The following PSMC6 variants were observed in gnomAD, a reference collection of about 807,000 sequenced individuals.
The protein encoded by PSMC6 is proteasome 26S subunit, ATPase 6.
Under a neutral mutation model 55.9 loss-of-function variants are expected in PSMC6, and 3 were observed. The ratio of observed to expected loss-of-function variants is 0.05; its 90% CI spans 0.02 to 0.14. The LOEUF is 0.14. Ranked by LOEUF, PSMC6 falls within the 10% of genes least tolerant of loss-of-function variation. PSMC6 has a pLI of 1.00. For synonymous variants in PSMC6, 137 were observed against 155.9 expected, an observed-to-expected ratio of 0.88 and a Z score of 0.90; for missense variants, 210 against 478.7, an observed-to-expected ratio of 0.44 and a Z score of 5.24.
In PSMC6 at chr14:52,711,037, C is replaced by T. The variant is rs2041766421; in HGVS notation, c.259-64C>T. 33 of 338,404 alleles carry T rather than the reference C, an allele frequency of 9.8e-5. No individual in the cohort carries two copies. In the South Asian group the frequency reaches 1.2e-3, roughly 12 times the overall value. 21.0% of individuals were successfully genotyped at this position (338,404 alleles called of 1,614,324 possible). A position where few individuals can be genotyped will look rare whatever the true frequency, so the allele number is the denominator to read the frequency against. On this transcript the variant is annotated intron_variant, in intron 4 of 13. Coordinates refer to ENST00000445930, the MANE Select transcript of PSMC6 (RefSeq NM_002806.5). Reference sequence around the variant, plus strand: ...GAGTGTTTGGCTTCTAAATATTAAACTCTCGTTAGAGTGTTATTCCGTTTT... The same window carrying T: ...GAGTGTTTGGCTTCTAAATATTAAATTCTCGTTAGAGTGTTATTCCGTTTT...
intron 7 of PSMC6, among the ~76,000 whole-genome samples, chr14:52,714,441 G>A (rs554448686): frequency 6.6e-6 from 1 of 152,274 alleles, no homozygotes; most frequent in African/African-American, 2.4e-5. Flanking sequence ...CATGCTTAGT[G>A]CATTTGTGCC....
At chr14:52,723,742 AT>A in intron 12 of PSMC6, 2 of 1,071,740 alleles carry the variant, frequency 1.9e-6, no homozygotes, top group Non-Finnish European at 2.5e-6. Flanking sequence ...TTTTGGTGAT[AT>A]TTCCTGTTTT....
At chr14:52,714,103 C>T in intron 7 of PSMC6, 135 bp downstream of exon 7, 1 of 520,260 alleles carries the variant, frequency 1.9e-6, no homozygotes, top group African/African-American at 2.0e-5. Context: ...TGCAGTGGCA[C>T]AATCTGGGCT....
At chr14:52,720,355 G>A (rs1281205359) in intron 10 of PSMC6, among the ~76,000 whole-genome samples, 1 of 84,822 alleles carries the variant, frequency 1.2e-5, no homozygotes, top group Non-Finnish European at 2.0e-5. Context: ...GTGACAGAGT[G>A]AAACTCTGTC....
rs566515854 is a variant in PSMC6 at position 52,707,530 on chromosome 14, G to C, written c.85+226G>C. On this transcript the variant is annotated intron_variant, in intron 1 of 13. Coordinates refer to ENST00000445930, the MANE Select transcript of PSMC6 (RefSeq NM_002806.5). ...GTGACAGAACATCGGCGGCCTTGAG[G>C]TGAAAATGAAAAAGAAGTAGAGGAG... 7.4e-6 allele frequency: 4 copies of C among 541,220 alleles called. No individual in the cohort carries two copies. In the African/African-American group the frequency reaches 7.7e-5, roughly 10 times the overall value. The allele number at this position is 541,220 out of a possible 1,614,324, so 33.5% of individuals were successfully genotyped here.
At chr14:52,718,881 A>C in intron 9 of PSMC6, 96 bp from the exon 10 acceptor site, 1 of 927,068 alleles carries the variant, frequency 1.1e-6, no homozygotes, top group Non-Finnish European at 1.7e-6. Flanking sequence ...TTTCATCTTA[A>C]TGTTTTAAGC....
intron 12 of PSMC6, among the ~76,000 whole-genome samples, 154 bp downstream of exon 12, chr14:52,721,344 T>C (rs2041888205): frequency 6.6e-6 from 1 of 152,234 alleles, no homozygotes; most frequent in South Asian, 2.1e-4. Flanking sequence ...TACTATAAGC[T>C]AGGAACCATT....
At chr14:52,716,524 C>T (rs1391750012) in intron 7 of PSMC6, among the ~76,000 whole-genome samples, 4 of 152,084 alleles carry the variant, frequency 2.6e-5, no homozygotes, top group South Asian at 2.1e-4. Flanking sequence ...GAGGCCGAGG[C>T]GGGCGGATCA....
At chr14:52,709,192 C>G (rs2041737577) in intron 4 of PSMC6, 1 of 192,794 alleles carries the variant, frequency 5.2e-6, no homozygotes, top group Admixed American at 5.8e-5. Flanking sequence ...ATGGACTGTA[C>G]CATGGCCTAA....
At chr14:52,713,302 A>G (rs2041795219) in intron 6 of PSMC6, among the ~76,000 whole-genome samples, 1 of 152,196 alleles carries the variant, frequency 6.6e-6, no homozygotes, top group Non-Finnish European at 1.5e-5. Flanking sequence ...CAATTTCTCT[A>G]GTCTCTACTT....
intron 9 of PSMC6, chr14:52,718,731 A>G: frequency 4.4e-6 from 2 of 459,492 alleles, no homozygotes; most frequent in Non-Finnish European, 7.8e-6. Context: ...GGTTGCAGTG[A>G]GCCGAGATCA....
At chr14:52,714,433 T>A (rs775202147) in intron 7 of PSMC6, among the ~76,000 whole-genome samples, 9 of 152,220 alleles carry the variant, frequency 5.9e-5, no homozygotes, top group Non-Finnish European at 1.3e-4. Context: ...CTTTGAGGCA[T>A]GCTTAGTGCA....
chr14:52,725,303 C>A (rs1880368974), intron 13 of PSMC6, among the ~76,000 whole-genome samples: 1 of 152,054 alleles, frequency 6.6e-6, no homozygotes, highest in Non-Finnish European at 1.5e-5. Flanking sequence ...ACAAATTTAC[C>A]TTTAGTTATT....
At chr14:52,722,459 G>A (rs1880237451) in intron 12 of PSMC6, 1 of 151,758 alleles carries the variant, frequency 6.6e-6, no homozygotes, top group South Asian at 2.1e-4. Flanking sequence ...AGAGGGATTG[G>A]CCCTATATAT....
chr14:52,713,422 A>C (rs894996220), intron 6 of PSMC6, among the ~76,000 whole-genome samples: 9 of 152,198 alleles, frequency 5.9e-5, no homozygotes, highest in Non-Finnish European at 2.9e-5. Context: ...GTATGTTGTC[A>C]AATCCATCCC....
intron 4 of PSMC6, chr14:52,710,767 C>A: frequency 3.3e-6 from 1 of 306,906 alleles, no homozygotes; most frequent in Non-Finnish European, 6.1e-6. Context: ...CTTCCCTTTC[C>A]TTTCCCTAAA....
intron 5 of PSMC6, 49 bp from the exon 6 acceptor site, chr14:52,711,361 A>T (rs369204821): frequency 6.8e-7 from 1 of 1,473,186 alleles, no homozygotes. Context: ...TCTGTAGGCT[A>T]AGAGAAAATA....
intron 7 of PSMC6, 84 bp downstream of exon 7, chr14:52,714,052 T>G: frequency 1.0e-6 from 1 of 970,738 alleles, no homozygotes; most frequent in Admixed American, 2.5e-5. Flanking sequence ...TTTATTTTTA[T>G]TTTTTTGAGA....
At chr14:52,722,416 G>GAGAAAGAGAA (rs1880235570) in intron 12 of PSMC6, 1 of 151,318 alleles carries the variant, frequency 6.6e-6, no homozygotes, top group Non-Finnish European at 1.5e-5. Context: ...AATGACCTAG[G>GAGAAAGAGAA]AGAAAGAGAA....
Sources: allele counts gnomAD v4.1 joint callset (sites outside exome capture counted in the v4.1 genomes callset), GRCh38; gene constraint gnomAD v4.1.1; transcripts MANE v1.5; gene names NCBI Gene and HGNC (gene_info 2026-07-23, HGNC 2026-07-21).